The following HACD1 variants were observed in gnomAD, a reference collection of about 807,000 sequenced individuals.
HACD1 encodes the protein 3-hydroxyacyl-CoA dehydratase 1.
A neutral mutation model predicts 32.0 loss-of-function variants in HACD1; 41 were observed. That is an observed-to-expected ratio of 1.28 (90% CI 1.00 to 1.66). The LOEUF (loss-of-function observed/expected upper bound fraction) is 1.66. Ranked by LOEUF, HACD1 falls within the 40% of genes most tolerant of loss-of-function variation. The probability of loss-of-function intolerance (pLI) is 0.00; values close to 1 mark genes in which losing one functional copy is unlikely to be tolerated. For missense variants in HACD1, 396 were observed against 380.1 expected (o/e 1.04, Z -0.35); for synonymous variants, 142 against 139.0 (o/e 1.02, Z -0.15).
At chr10:17,600,043 T>C (rs530619300) in intron 4 of HACD1, among the ~76,000 whole-genome samples, 1 of 152,330 alleles carries the variant, frequency 6.6e-6, no homozygotes, top group African/African-American at 2.4e-5. Context: ...TCAAGGTTCT[T>C]TGCAATCCTT....
chr10:17,594,150 T>C (rs1263197429), intron 6 of HACD1, 55 bp downstream of exon 6: 3 of 1,263,328 alleles, frequency 2.4e-6, no homozygotes, highest in Middle Eastern at 3.0e-4. Flanking sequence ...ATTATATCCT[T>C]TCAAAAATTT....
intron 1 of HACD1, among the ~76,000 whole-genome samples, chr10:17,608,520 G>A (rs1834181053): frequency 6.6e-6 from 1 of 151,032 alleles, no homozygotes; most frequent in Admixed American, 6.6e-5. Flanking sequence ...TTTTTGAAAT[G>A]GAGTCTTGCT....
chr10:17,615,020 G>A (rs1332840733), intron 1 of HACD1, among the ~76,000 whole-genome samples: 1 of 152,200 alleles, frequency 6.6e-6, no homozygotes, highest in African/African-American at 2.4e-5. Context: ...CCAAAGTGCT[G>A]GGATTACAGG....
At chr10:17,604,301 C>A (rs537386613) in intron 1 of HACD1, among the ~76,000 whole-genome samples, 10 of 151,974 alleles carry the variant, frequency 6.6e-5, no homozygotes, top group East Asian at 1.9e-4. Context: ...CTGGCTAACA[C>A]GGTGAAACCC....
At chr10:17,609,670 G>A (rs985544644) in intron 1 of HACD1, among the ~76,000 whole-genome samples, 4 of 152,152 alleles carry the variant, frequency 2.6e-5, no homozygotes, top group Admixed American at 6.6e-5. Flanking sequence ...CATTCATTGC[G>A]AGAGGGAAGA....
At chr10:17,600,304 A>C (rs1554816383) in intron 4 of HACD1, among the ~76,000 whole-genome samples, 1 of 152,120 alleles carries the variant, frequency 6.6e-6, no homozygotes, top group Non-Finnish European at 1.5e-5. Flanking sequence ...CTGAGCAGTT[A>C]TTTGCTCACC....
chr10:17,605,178 A>C (rs1349785952), intron 1 of HACD1, among the ~76,000 whole-genome samples: 1 of 152,102 alleles, frequency 6.6e-6, no homozygotes, highest in African/African-American at 2.4e-5. Flanking sequence ...AGAAGGAAGT[A>C]ATGGTTACAC....
intron 1 of HACD1, among the ~76,000 whole-genome samples, chr10:17,613,336 G>T (rs1307940647): frequency 6.6e-6 from 1 of 152,058 alleles, no homozygotes; most frequent in East Asian, 1.9e-4. Context: ...AGAGAAATAA[G>T]TTAAATGAAC....
At chr10:17,593,868 T>C (rs1588983270) in intron 6 of HACD1, among the ~76,000 whole-genome samples, 1 of 152,356 alleles carries the variant, frequency 6.6e-6, no homozygotes, top group East Asian at 1.9e-4. Context: ...CTCAGACATA[T>C]AATTCTAAAT....
intron 1 of HACD1, among the ~76,000 whole-genome samples, chr10:17,608,496 C>A (rs1414513609): frequency 6.7e-6 from 1 of 150,354 alleles, no homozygotes; most frequent in African/African-American, 2.5e-5. Flanking sequence ...ATACTCCACA[C>A]TTTGTCTCCT....
intron 1 of HACD1, among the ~76,000 whole-genome samples, chr10:17,608,865 T>C (rs993206995): frequency 6.6e-6 from 1 of 152,128 alleles, no homozygotes; most frequent in Non-Finnish European, 1.5e-5. Flanking sequence ...TAGCAGCCAA[T>C]ATGTGAGTGC....
intron 1 of HACD1, among the ~76,000 whole-genome samples, chr10:17,605,447 C>T (rs1834132131): frequency 6.6e-6 from 1 of 151,266 alleles, no homozygotes. Flanking sequence ...ATTGCTCCAA[C>T]CTGGGAAGTG....
At chr10:17,615,275 T>C (rs1434082359) in intron 1 of HACD1, among the ~76,000 whole-genome samples, 2 of 152,244 alleles carry the variant, frequency 1.3e-5, no homozygotes, top group Non-Finnish European at 2.9e-5. Flanking sequence ...TTGCTGGCTG[T>C]GATCTTGGGC....
chr10:17,611,286 C>T (rs928528360), intron 1 of HACD1, among the ~76,000 whole-genome samples: 1 of 152,148 alleles, frequency 6.6e-6, no homozygotes. Flanking sequence ...CATGAGCCAC[C>T]GCGCCCGGCC....
At chr10:17,601,250 TCTCGAA>T (rs1158657175) in intron 4 of HACD1, among the ~76,000 whole-genome samples, 3 of 152,028 alleles carry the variant, frequency 2.0e-5, no homozygotes, top group Admixed American at 6.6e-5. Context: ...GCCAGGCTGG[TCTCGAA>T]CTCCTGACCT....
chr10:17,598,309 A>T (rs143632255), intron 5 of HACD1, among the ~76,000 whole-genome samples: 1 of 151,674 alleles, frequency 6.6e-6, no homozygotes, highest in African/African-American at 2.4e-5. Flanking sequence ...CACAATTAAC[A>T]GTGGTTATCC....
At chr10:17,611,246 T>C (rs561522547) in intron 1 of HACD1, among the ~76,000 whole-genome samples, 1 of 152,278 alleles carries the variant, frequency 6.6e-6, no homozygotes, top group South Asian at 2.1e-4. Context: ...GTGATCCGCC[T>C]GCTTCAGCCT....
chr10:17,589,580 A>G lies in HACD1; in HGVS notation c.*784T>C, dbSNP rs1179343501. ...GCTGGGATTACAGGCATGAGCTACC[A>G]CTCCCAGCCTGAATACAACATTATA... On this transcript the variant is annotated 3_prime_UTR_variant, in exon 7 of 7. Transcript: ENST00000361271. 2 of 149,636 alleles carry G rather than the reference A, an allele frequency of 1.3e-5. No individual in the cohort carries two copies. The highest frequency in any genetic ancestry group is 4.9e-5 in the African/African-American group (2 of 40,638). 9.3% of individuals were successfully genotyped at this position (149,636 alleles called of 1,614,324 possible). A position where few individuals can be genotyped will look rare whatever the true frequency, so the allele number is the denominator to read the frequency against.
chr10:17,614,929 T>C (rs1208439579), intron 1 of HACD1, among the ~76,000 whole-genome samples: 2 of 152,026 alleles, frequency 1.3e-5, no homozygotes, highest in Non-Finnish European at 2.9e-5. Context: ...ATTTTTTGTA[T>C]TTTTAGTAGA....
Sources: allele counts gnomAD v4.1 joint callset (sites outside exome capture counted in the v4.1 genomes callset), GRCh38; gene constraint gnomAD v4.1.1; transcripts MANE v1.5; gene names NCBI Gene and HGNC (gene_info 2026-07-23, HGNC 2026-07-21).